The following TULP4 variants were observed in gnomAD, a reference collection of about 807,000 sequenced individuals.
TULP4 encodes TUB like protein 4.
Under a neutral mutation model 129.0 loss-of-function variants are expected in TULP4, and 16 were observed. The ratio of observed to expected loss-of-function variants is 0.12; its 90% CI spans 0.08 to 0.19. The LOEUF is 0.19. Ranked by LOEUF, TULP4 falls within the 10% of genes least tolerant of loss-of-function variation. TULP4 has a pLI of 1.00. For synonymous variants in TULP4, 998 were observed against 854.0 expected (o/e 1.17, Z -2.94); for missense variants, 1,842 against 2,059.1 (o/e 0.89, Z 2.04).
In TULP4 at chr6:158,502,101, C is replaced by T. The variant is rs1469097121; in HGVS notation, c.2438C>T (p.Ala813Val). The change falls in exon 13 of 14, where the codon GCT becomes GTT. Residue 813 changes from alanine (A) to valine (V), a missense_variant. This residue lies in a region of TULP4 where 1,089 missense variants were observed against 987.1 expected (regional missense o/e 1.10). Transcript: ENST00000367097. ...KALRPTPQLAAEGDAVVFSAP... is the reference protein window; with the variant it reads ...KALRPTPQLAVEGDAVVFSAP... The stretch of plus-strand genomic sequence containing the variant: ...CTGCGGCCAACACCGCAGCTGGCAG[C>T]TGAGGGGGACGCAGTGGTCTTTAGT... 4 of 1,611,142 alleles carry T rather than the reference C, an allele frequency of 2.5e-6. No homozygotes were observed. The East Asian group carries it at 8.9e-5, about 36-fold the overall frequency.
intron 1 of TULP4, chr6:158,242,007 A>C: frequency 1.2e-6 from 1 of 836,594 alleles, no homozygotes; most frequent in South Asian, 1.3e-5. Context: ...GGTCCTTGTT[A>C]ATGGTAATGA....
At chr6:158,362,316 T>G (rs1780810682) in intron 1 of TULP4, among the ~76,000 whole-genome samples, 1 of 151,838 alleles carries the variant, frequency 6.6e-6, no homozygotes, top group South Asian at 2.1e-4. Context: ...GCTTGTTGTT[T>G]GTTCATCCAA....
chr6:158,436,783 A>C (rs766915373), intron 3 of TULP4, among the ~76,000 whole-genome samples: 2 of 152,226 alleles, frequency 1.3e-5, no homozygotes, highest in African/African-American at 2.4e-5. Flanking sequence ...CACCATGGTA[A>C]AGCTTTTAGC....
rs550547546 is a variant in TULP4, at chr6:158,265,478, G to A, written n.68+33175G>A. 1.3e-4 allele frequency among the ~76,000 whole-genome samples: 19 copies of A among 151,906 alleles called. No individual in the cohort carries two copies. The South Asian group carries it at 3.7e-3, about 30-fold the overall frequency. On this transcript the variant is annotated intron_variant and non_coding_transcript_variant, in intron 1 of 1. Transcript: ENST00000620026. Reference sequence around the variant, plus strand: ...GGGCAGATCACGAGGTCAGGAGATCGAGACCAGCCTGGCCAACATGGTGAA... The same window carrying A: ...GGGCAGATCACGAGGTCAGGAGATCAAGACCAGCCTGGCCAACATGGTGAA...
intron 1 of TULP4, among the ~76,000 whole-genome samples, chr6:158,251,567 C>T (rs1207835679): frequency 6.6e-6 from 1 of 152,156 alleles, no homozygotes; most frequent in Non-Finnish European, 1.5e-5. Flanking sequence ...CAAAAAATTC[C>T]TGAGATAGAT....
chr6:158,496,959 C>T (rs542901716), intron 11 of TULP4, among the ~76,000 whole-genome samples: 3 of 152,206 alleles, frequency 2.0e-5, no homozygotes, highest in Admixed American at 6.5e-5. Flanking sequence ...GTGATTCTCC[C>T]ACCTCAGCCT....
In TULP4 at chr6:158,506,820, C is replaced by T. The variant is rs899599363; in HGVS notation, c.*126C>T. 1.2e-5 allele frequency: 8 copies of T among 671,338 alleles called. No individual in the cohort carries two copies. The highest frequency in any genetic ancestry group is 1.8e-5 in the Non-Finnish European group (7 of 383,296). 41.6% of individuals were successfully genotyped at this position (671,338 alleles called of 1,614,324 possible). ...GAAGCCAACAGCAAAACTGGAAAAGCCCGGCAGGCCCAGGAGAGGGCGCTG... is the reference window on the plus strand; with the variant it reads ...GAAGCCAACAGCAAAACTGGAAAAGTCCGGCAGGCCCAGGAGAGGGCGCTG... On this transcript the variant is annotated 3_prime_UTR_variant, in exon 14 of 14. Coordinates refer to ENST00000367097, the MANE Select transcript of TULP4 (RefSeq NM_020245.5).
intron 1 of TULP4, among the ~76,000 whole-genome samples, chr6:158,344,425 C>T (rs1780256336): frequency 6.6e-6 from 1 of 152,166 alleles, no homozygotes; most frequent in South Asian, 2.1e-4. Context: ...GAAGTTCCCG[C>T]ATCAAGCAAG....
chr6:158,256,955 G>A (rs2128455498), intron 1 of TULP4, among the ~76,000 whole-genome samples: 1 of 152,268 alleles, frequency 6.6e-6, no homozygotes, highest in Middle Eastern at 3.4e-3. Flanking sequence ...AATGGGAACA[G>A]GACTCTCCTG....
At chr6:158,326,164 G>T (rs1228414568) in intron 1 of TULP4, among the ~76,000 whole-genome samples, 2 of 152,090 alleles carry the variant, frequency 1.3e-5, no homozygotes, top group Non-Finnish European at 2.9e-5. Flanking sequence ...GCCAAGTAGG[G>T]TACTATGATT....
intron 1 of TULP4, among the ~76,000 whole-genome samples, chr6:158,366,043 C>T (rs1458178876): frequency 2.0e-5 from 3 of 151,362 alleles, no homozygotes; most frequent in Admixed American, 6.6e-5. Context: ...GCTGGGACTA[C>T]AGGTGCCTGC....
chr6:158,280,991 A>G (rs1389442634), upstream of TULP4, among the ~76,000 whole-genome samples: 1 of 152,196 alleles, frequency 6.6e-6, no homozygotes, highest in Non-Finnish European at 1.5e-5. Context: ...GTGAGGAGTA[A>G]TAACTCACTT....
chr6:158,316,053 A>G (rs975187483), intron 1 of TULP4, among the ~76,000 whole-genome samples: 1 of 152,224 alleles, frequency 6.6e-6, no homozygotes, highest in Non-Finnish European at 1.5e-5. Flanking sequence ...CCTTCATTAC[A>G]TACTCTCTGT....
At chr6:158,489,969 G>T (rs1292526950) in intron 9 of TULP4, among the ~76,000 whole-genome samples, 5 of 152,204 alleles carry the variant, frequency 3.3e-5, no homozygotes, top group South Asian at 2.1e-4. Flanking sequence ...TTCTCTAGGG[G>T]TTAGCAGTGA....
At chr6:158,294,341 C>T (rs1466357796) in intron 1 of TULP4, among the ~76,000 whole-genome samples, 7 of 146,584 alleles carry the variant, frequency 4.8e-5, no homozygotes, top group South Asian at 2.2e-4. Context: ...CCAGCCTGGG[C>T]GACAGAGCAA....
chr6:158,504,917 T>C (rs2128266653), intron 13 of TULP4, among the ~76,000 whole-genome samples: 1 of 152,286 alleles, frequency 6.6e-6, no homozygotes, highest in East Asian at 1.9e-4. Context: ...CACACACACA[T>C]GTATGCACAC....
In TULP4 at chr6:158,493,671, C is replaced by T. The variant is rs1391326303; in HGVS notation, c.1730C>T (p.Ser577Leu). 2.5e-6 allele frequency: 4 copies of T among 1,596,490 alleles called. No individual in the cohort carries two copies. The highest frequency in any genetic ancestry group is 2.6e-6 in the Non-Finnish European group (3 of 1,171,820). ...RLPLRKPSVGSPSLTRREFPF... is the reference protein window; with the variant it reads ...RLPLRKPSVGLPSLTRREFPF... ...CCCCTGCGCAAGCCCTCTGTGGGCT[C>T]GCCCAGCCTGACTCGGAGAGAGTTT... is the stretch of plus-strand genomic sequence containing the variant. Residue 577 changes from serine (S) to leucine (L), a missense_variant, in exon 10 of 14, where the codon TCG becomes TTG. Around this residue, in one of 5 missense-constraint regions of TULP4, gnomAD observed 456 missense variants for 534.3 expected, o/e 0.85. Transcript: ENST00000367097. The surrounding 1 kb of genome is among the most constrained non-coding windows in gnomAD (Gnocchi z 4.4).
chr6:158,282,099 T>C (rs993844428), upstream of TULP4, among the ~76,000 whole-genome samples: 4 of 152,232 alleles, frequency 2.6e-5, no homozygotes, highest in African/African-American at 9.6e-5. Flanking sequence ...TTATTTTGTA[T>C]GTGCTTTTAA....
At chr6:158,465,879 T>C (rs1779546501) in intron 6 of TULP4, among the ~76,000 whole-genome samples, 1 of 152,210 alleles carries the variant, frequency 6.6e-6, no homozygotes, top group African/African-American at 2.4e-5. Context: ...TTCTTTAATC[T>C]ACAGTTAGTT....
Sources: allele counts gnomAD v4.1 joint callset (sites outside exome capture counted in the v4.1 genomes callset), GRCh38; gene constraint gnomAD v4.1.1; regional missense constraint gnomAD v4.1.1; non-coding constraint Gnocchi (gnomAD v3.1); transcripts MANE v1.5; gene names NCBI Gene and HGNC (gene_info 2026-07-23, HGNC 2026-07-21).